Variants in SYNE1 observed in about 807,000 individuals in gnomAD.
SYNE1 encodes the protein nesprin-1.
SYNE1 carries 616 observed loss-of-function variants against 1,111.0 expected under a neutral mutation model. The observed-to-expected ratio is 0.55, with a 90% CI of 0.52 to 0.59. The LOEUF is 0.59. Ranked by LOEUF, SYNE1 falls within the 20% of genes least tolerant of loss-of-function variation. The pLI is 0.00. For missense variants in SYNE1, 10,006 were observed against 10,417.0 expected (o/e 0.96, Z 1.72); for synonymous variants, 3,855 against 3,825.8 (o/e 1.01, Z -0.28).
intron 30 of SYNE1, among the ~76,000 whole-genome samples, chr6:152,443,612 G>C (rs915628748): frequency 1.3e-5 from 2 of 152,008 alleles, no homozygotes; most frequent in Admixed American, 6.6e-5. Flanking sequence ...AATCCTGAAG[G>C]CTGGGATTTT....
intron 3 of SYNE1, among the ~76,000 whole-genome samples, chr6:152,626,263 G>T (rs2099685511): frequency 6.7e-6 from 1 of 148,468 alleles, no homozygotes; most frequent in Non-Finnish European, 1.5e-5. Context: ...TTTGCTGTTT[G>T]CAACTTTCAC....
Position 152,135,239 on chromosome 6 carries a change from A to T in SYNE1, c.25660-7T>A. 1 of 1,613,902 alleles carries T rather than the reference A, an allele frequency of 6.2e-7. No individual in the cohort carries two copies. The highest frequency in any genetic ancestry group is 1.1e-5 in the South Asian group (1 of 91,068). On this transcript the variant is annotated splice_region_variant and splice_polypyrimidine_tract_variant and intron_variant, in intron 141 of 145. Transcript: ENST00000367255. ...GGCTCATTTCATGGAAACCCTACAG[A>T]AAACAGTTTAAAGTAACTGTAAATA...
intron 144 of SYNE1, among the ~76,000 whole-genome samples, 193 bp from the exon 145 acceptor site, chr6:152,130,971 T>C (rs1213472013): frequency 6.6e-6 from 1 of 152,228 alleles, no homozygotes; most frequent in East Asian, 1.9e-4. Context: ...TCTATGTGAT[T>C]AGCCACTGAT....
chr6:152,481,342 A>G (rs2098896432), intron 14 of SYNE1, among the ~76,000 whole-genome samples: 2 of 152,214 alleles, frequency 1.3e-5, no homozygotes, highest in Admixed American at 6.5e-5. Context: ...ATTTGCTACC[A>G]TGCCTATTTG....
At chr6:152,601,690 T>C (rs1424536523) in intron 3 of SYNE1, among the ~76,000 whole-genome samples, 1 of 152,166 alleles carries the variant, frequency 6.6e-6, no homozygotes, top group Non-Finnish European at 1.5e-5. Flanking sequence ...GCAGAATCAC[T>C]AGACTTAGCA....
At position 152,348,331 on chromosome 6, in the gene SYNE1, C is replaced by T. The variant is rs77971197; in HGVS notation, c.11902-1096G>A. ...ATTTCACCTCACACCACCATGTCCA[C>T]TTGCATTCTTTAGTGAGCATTCTTA... On this transcript the variant is annotated intron_variant, in intron 72 of 145. Coordinates refer to ENST00000367255, the MANE Select transcript of SYNE1 (RefSeq NM_182961.4). Among the ~76,000 whole-genome samples, 378 of 152,304 alleles carry T rather than the reference C, an allele frequency of 2.5e-3. 2 individuals are homozygous for T. Among genetic ancestry groups the T allele is most frequent in the African/African-American group, 8.8e-3 (364 of 41,566 alleles).
chr6:152,130,694 G>A, intron 145 of SYNE1, 26 bp downstream of exon 145: 1 of 1,613,408 alleles, frequency 6.2e-7, no homozygotes, highest in Non-Finnish European at 8.5e-7. Context: ...TTCTAGAACA[G>A]TGTGGAAACC....
intron 117 of SYNE1, 100 bp downstream of exon 117, chr6:152,224,394 C>A: frequency 9.6e-7 from 1 of 1,043,096 alleles, no homozygotes; most frequent in Non-Finnish European, 1.4e-6. Context: ...TAAACGTAAA[C>A]AACATATGGC....
rs766614719 is a variant in SYNE1 at position 152,629,522 on chromosome 6, C to CGG, written c.-223-970_-223-969dup. The stretch of plus-strand genomic sequence containing the variant: ...TGCCTGGCTGGTTAAGTTTCATTGC[C>CGG]GGGGGGGGGGGGGGGAGGGGGAGGG... On this transcript the variant is annotated intron_variant, in intron 2 of 145. Transcript: ENST00000367255. 7.8e-3 allele frequency among the ~76,000 whole-genome samples: 48 copies of CGG among 6,138 alleles called. 4 individuals carry two copies. The highest frequency in any genetic ancestry group is 9.4e-3 in the South Asian group (1 of 106). 4.0% of individuals were successfully genotyped at this position (6,138 alleles called of 152,430 possible). A position where few individuals can be genotyped will look rare whatever the true frequency, so the allele number is the denominator to read the frequency against.
At chr6:152,190,883 C>T (rs116095642) in intron 127 of SYNE1, among the ~76,000 whole-genome samples, 2,270 of 152,298 alleles carry the variant, frequency 0.015, 64 homozygotes, top group African/African-American at 0.052. Flanking sequence ...TTCAGTTTTT[C>T]CTTATTCAGT....
At chr6:152,282,247 G>A (rs2094077211) in intron 96 of SYNE1, among the ~76,000 whole-genome samples, 1 of 152,060 alleles carries the variant, frequency 6.6e-6, no homozygotes, top group Non-Finnish European at 1.5e-5. Flanking sequence ...CATACCTATA[G>A]GACCAGGCAG....
intron 98 of SYNE1, among the ~76,000 whole-genome samples, chr6:152,272,117 C>T (rs1159652963): frequency 6.6e-6 from 1 of 152,210 alleles, no homozygotes; most frequent in Non-Finnish European, 1.5e-5. Context: ...CGGTTAGACT[C>T]AGTTTTTCAG....
intron 106 of SYNE1, among the ~76,000 whole-genome samples, chr6:152,243,711 CAAAG>C (rs2086359291): frequency 6.6e-6 from 1 of 152,140 alleles, no homozygotes; most frequent in South Asian, 2.1e-4. Flanking sequence ...TTTATTTTCT[CAAAG>C]AAAGAACTCA....
intron 140 of SYNE1, among the ~76,000 whole-genome samples, chr6:152,139,741 G>GAAAGAAAGAAAGAAAGAAAGAAAGA: frequency 1.4e-5 from 2 of 143,580 alleles, no homozygotes; most frequent in African/African-American, 5.4e-5. Context: ...AAGAAAGAAA[G>GAAAGAAAGAAAGAAAGAAAGAAAGA]AAAGAAAGAA....
intron 66 of SYNE1, among the ~76,000 whole-genome samples, chr6:152,356,411 G>T (rs554861946): frequency 1.1e-3 from 170 of 148,954 alleles, no homozygotes; most frequent in African/African-American, 4.0e-3. Context: ...TTTCAAGTCT[G>T]TATTCTGAAG....
At position 152,417,018 on chromosome 6, in the gene SYNE1, G is replaced by T; in HGVS notation, c.5422-3C>A. The T allele has an allele frequency of 6.2e-7, 1 of 1,613,924 alleles. No individual in the cohort carries two copies. Among genetic ancestry groups the T allele is most frequent in the Non-Finnish European group, 8.5e-7 (1 of 1,180,044 alleles). On this transcript the variant is annotated splice_polypyrimidine_tract_variant and splice_region_variant and intron_variant, in intron 40 of 145. Coordinates refer to ENST00000367255, the MANE Select transcript of SYNE1 (RefSeq NM_182961.4). Reference sequence around the variant, plus strand: ...CTCTCTACTTCTGCTGCGTGGTCCTGGAAGGGAAGAGAGAGTTATTGATTC... The same window carrying T: ...CTCTCTACTTCTGCTGCGTGGTCCTTGAAGGGAAGAGAGAGTTATTGATTC...
intron 93 of SYNE1, among the ~76,000 whole-genome samples, chr6:152,296,909 T>G (rs2094909376): frequency 6.6e-6 from 1 of 152,188 alleles, no homozygotes; most frequent in Non-Finnish European, 1.5e-5. Flanking sequence ...TCTCTCATTT[T>G]TATCACCAGG....
At chr6:152,600,849 T>C (rs556657212) in intron 3 of SYNE1, among the ~76,000 whole-genome samples, 2 of 152,308 alleles carry the variant, frequency 1.3e-5, no homozygotes, top group East Asian at 3.9e-4. Flanking sequence ...TATGAATGTA[T>C]GCACTGTGAA....
At position 152,485,462 on chromosome 6, in the gene SYNE1, T is replaced by C. The variant is rs145447629; in HGVS notation, c.1048-490A>G. 4.6e-5 allele frequency among the ~76,000 whole-genome samples: 7 copies of C among 152,324 alleles called. No individual in the cohort carries two copies. The East Asian group carries it at 1.4e-3, about 29-fold the overall frequency. ...AATGCAGAATTAAAGCTGTCTAGAT[T>C]TGTGTTTAAGTAAGCCTGCATAAAG... On this transcript the variant is annotated intron_variant, in intron 12 of 145. Transcript: ENST00000367255.
Sources: allele counts gnomAD v4.1 joint callset (sites outside exome capture counted in the v4.1 genomes callset), GRCh38; gene constraint gnomAD v4.1.1; transcripts MANE v1.5; gene names NCBI Gene and HGNC (gene_info 2026-07-23, HGNC 2026-07-21).